PARD3: variants seen among roughly 807,000 people sequenced by gnomAD.
PARD3 encodes partitioning defective 3 homolog.
PARD3 carries 75 observed loss-of-function variants against 155.4 expected under a neutral mutation model. The observed-to-expected ratio is 0.48, with a 90% confidence interval of 0.40 to 0.58. The LOEUF is 0.58. Among genes scored for constraint, PARD3 ranks in the 20% least tolerant of loss-of-function variants. The pLI is 0.00. For missense variants in PARD3, 1,642 were observed against 1,721.7 expected, an observed-to-expected ratio of 0.95 and a Z score of 0.82; for synonymous variants, 576 against 610.5, an observed-to-expected ratio of 0.94 and a Z score of 0.83.
chr10:34,447,958 A>G (rs2076841913), intron 5 of PARD3, among the ~76,000 whole-genome samples: 1 of 152,208 alleles, frequency 6.6e-6, no homozygotes. Context: ...TAGAACTACC[A>G]TATGATCCAG....
At chr10:34,432,041 C>CAAAAAA (rs142848273) in intron 5 of PARD3, among the ~76,000 whole-genome samples, 502 of 21,590 alleles carry the variant, frequency 0.023, 129 homozygotes, top group Non-Finnish European at 0.031. Flanking sequence ...GACTCTGTCT[C>CAAAAAA]AAAAAAAAAA....
intron 20 of PARD3, among the ~76,000 whole-genome samples, chr10:34,292,907 C>T (rs900084615): frequency 1.1e-4 from 17 of 152,002 alleles, no homozygotes; most frequent in Non-Finnish European, 2.5e-4. Context: ...GCCTCGTAAC[C>T]TGACACTTCA....
chr10:34,435,338 G>C (rs2076135775), intron 5 of PARD3, among the ~76,000 whole-genome samples: 1 of 152,136 alleles, frequency 6.6e-6, no homozygotes, highest in Admixed American at 6.6e-5. Flanking sequence ...TTGCTTCCTA[G>C]AGTCAACGAA....
At chr10:34,731,851 T>C (rs2094824083) in intron 1 of PARD3, among the ~76,000 whole-genome samples, 1 of 150,398 alleles carries the variant, frequency 6.6e-6, no homozygotes, top group African/African-American at 2.5e-5. Flanking sequence ...AAGAGAGGAG[T>C]GAAGAAATAA....
chr10:34,245,357 T>G (rs1487748035), intron 22 of PARD3, among the ~76,000 whole-genome samples: 1 of 152,094 alleles, frequency 6.6e-6, no homozygotes, highest in Non-Finnish European at 1.5e-5. Context: ...GGATAAATAC[T>G]GGGGATTGAG....
chr10:34,699,392 TA>T (rs2094232698), intron 1 of PARD3, among the ~76,000 whole-genome samples: 1 of 152,218 alleles, frequency 6.6e-6, no homozygotes, highest in South Asian at 2.1e-4. Flanking sequence ...CACAAGAGTT[TA>T]AAAACCAGGA....
In PARD3 at chr10:34,539,838, G is replaced by A. The variant is rs185030670; in HGVS notation, c.223-22679C>T. On this transcript the variant is annotated intron_variant, in intron 2 of 24. Coordinates refer to ENST00000374788, the MANE Select transcript of PARD3 (RefSeq NM_001184785.2). ...TTGGCTTCCTGAAATAGGCCAGGGC[G>A]GGAGTGTGTACACCAAAGAAATTGG... is the stretch of plus-strand genomic sequence containing the variant. 3.2e-4 allele frequency among the ~76,000 whole-genome samples: 48 copies of A among 152,276 alleles called. 1 individual carries two copies. Among genetic ancestry groups the A allele is most frequent in the African/African-American group, 1.0e-3 (43 of 41,554 alleles).
intron 1 of PARD3, among the ~76,000 whole-genome samples, chr10:34,767,402 G>GA (rs1838233936): frequency 6.6e-6 from 1 of 152,176 alleles, no homozygotes; most frequent in South Asian, 2.1e-4. Context: ...GGGTAGGGGA[G>GA]AAAGGAACAC....
At chr10:34,791,185 G>A (rs1841575151) in intron 1 of PARD3, among the ~76,000 whole-genome samples, 1 of 152,198 alleles carries the variant, frequency 6.6e-6, no homozygotes, top group African/African-American at 2.4e-5. Flanking sequence ...ACACTGCCCT[G>A]AGTGAGAAGC....
intron 2 of PARD3, among the ~76,000 whole-genome samples, chr10:34,637,403 A>G (rs2092517095): frequency 6.6e-6 from 1 of 152,246 alleles, no homozygotes; most frequent in South Asian, 2.1e-4. Context: ...AGAAACGTCC[A>G]TTAACGTGAG....
intron 22 of PARD3, among the ~76,000 whole-genome samples, chr10:34,254,965 A>C (rs979319951): frequency 9.2e-5 from 14 of 152,162 alleles, no homozygotes; most frequent in Admixed American, 6.5e-5. Context: ...AGACCAAAGG[A>C]AAGAAGGAAA....
At chr10:34,772,212 C>G (rs1400044766) in intron 1 of PARD3, among the ~76,000 whole-genome samples, 1 of 151,848 alleles carries the variant, frequency 6.6e-6, no homozygotes, top group Non-Finnish European at 1.5e-5. Flanking sequence ...CACTTGAGCT[C>G]AGGAGTTCGA....
intron 20 of PARD3, among the ~76,000 whole-genome samples, chr10:34,292,604 A>G (rs1421861333): frequency 6.6e-6 from 1 of 152,180 alleles, no homozygotes; most frequent in Non-Finnish European, 1.5e-5. Context: ...GAAATTCACA[A>G]ACTTGAGAAT....
At chr10:34,674,414 G>A (rs1462810165) in intron 2 of PARD3, among the ~76,000 whole-genome samples, 1 of 150,788 alleles carries the variant, frequency 6.6e-6, no homozygotes, top group East Asian at 2.0e-4. Flanking sequence ...TGCGGGAGCA[G>A]CCACAGAGCT....
chr10:34,659,802 T>A (rs1251925848), intron 2 of PARD3, among the ~76,000 whole-genome samples: 1 of 152,206 alleles, frequency 6.6e-6, no homozygotes, highest in Non-Finnish European at 1.5e-5. Flanking sequence ...GCAAGTTAGG[T>A]ACCTAGTTAG....
At chr10:34,579,423 G>C (rs2134236250) in intron 2 of PARD3, among the ~76,000 whole-genome samples, 1 of 152,198 alleles carries the variant, frequency 6.6e-6, no homozygotes, top group South Asian at 2.1e-4. Flanking sequence ...GCCCCTCCCA[G>C]GTGCCCTAGA....
rs1174488385 is a variant in PARD3 at position 34,730,247 on chromosome 10, G to A, written c.121-33828C>T. ...CAACAATATATAAAGAGAAGTGGAT[G>A]GTATACAAAAGCAACGCATCTACAA... On this transcript the variant is annotated intron_variant, in intron 1 of 24. Transcript: ENST00000374788. Among the ~76,000 whole-genome samples, 5 of 151,668 alleles carry A rather than the reference G, an allele frequency of 3.3e-5. No individual in the cohort carries two copies. The South Asian group carries it at 1.0e-3, about 32-fold the overall frequency.
intron 22 of PARD3, among the ~76,000 whole-genome samples, chr10:34,152,311 T>C (rs1210575051): frequency 6.6e-6 from 1 of 152,220 alleles, no homozygotes. Context: ...GTGAATATGA[T>C]AAGAGTATAC....
intron 22 of PARD3, among the ~76,000 whole-genome samples, chr10:34,208,758 C>G (rs1951599430): frequency 6.6e-6 from 1 of 152,184 alleles, no homozygotes; most frequent in Admixed American, 6.5e-5. Context: ...CCATCAGATT[C>G]CTAGGCAGCC....
Sources: gnomAD v4.1 joint callset for allele counts (sites outside exome capture counted in the v4.1 genomes callset) on GRCh38, gnomAD v4.1.1 for gene constraint, MANE v1.5 for transcripts, NCBI Gene and HGNC (gene_info 2026-07-23, HGNC 2026-07-21) for gene names.